SPON1: variants seen among roughly 807,000 people sequenced by gnomAD.
SPON1 encodes the protein spondin-1.
A neutral mutation model predicts 111.7 loss-of-function variants in SPON1; 52 were observed. The ratio of observed to expected loss-of-function variants is 0.47; its 90% CI spans 0.37 to 0.59. The LOEUF (loss-of-function observed/expected upper bound fraction) is 0.59. Among genes scored for constraint, SPON1 ranks in the 20% least tolerant of loss-of-function variants. SPON1 has a pLI of 0.00. For synonymous variants in SPON1, 410 were observed against 395.8 expected (o/e 1.04, Z -0.43); for missense variants, 957 against 1,068.5 (o/e 0.90, Z 1.46).
chr11:14,020,330 G>GTACCCTGTAGA (rs1258189070), intron 2 of SPON1, among the ~76,000 whole-genome samples: 1 of 152,180 alleles, frequency 6.6e-6, no homozygotes, highest in Non-Finnish European at 1.5e-5. Flanking sequence ...GGGTACATCT[G>GTACCCTGTAGA]GCAGAGCTTT....
At chr11:14,141,141 A>C (rs1471769158) in intron 6 of SPON1, among the ~76,000 whole-genome samples, 1 of 151,468 alleles carries the variant, frequency 6.6e-6, no homozygotes, top group East Asian at 2.0e-4. Context: ...CCAACAGCTC[A>C]CCACGCACTA....
intron 5 of SPON1, among the ~76,000 whole-genome samples, chr11:14,091,086 C>T (rs1278530340): frequency 3.3e-5 from 5 of 151,608 alleles, no homozygotes; most frequent in Middle Eastern, 6.8e-3. Context: ...TTTACAATCC[C>T]TGAGCTAGAC....
intron 5 of SPON1, among the ~76,000 whole-genome samples, chr11:14,091,723 C>G (rs2133838786): frequency 6.6e-6 from 1 of 152,316 alleles, no homozygotes; most frequent in African/African-American, 2.4e-5. Flanking sequence ...CCACACCTCC[C>G]TGCAAGCTGA....
intron 2 of SPON1, among the ~76,000 whole-genome samples, chr11:14,021,900 T>C (rs1848483841): frequency 6.6e-6 from 1 of 152,210 alleles, no homozygotes; most frequent in Non-Finnish European, 1.5e-5. Context: ...TGCTCTTTAT[T>C]TGTAAAGAAC....
In SPON1 at chr11:14,265,620, A is replaced by G. The variant is rs1849256975; in HGVS notation, c.2357A>G (p.Lys786Arg). ...TACATGACTGTAAAGAAGAGATTCA[A>G]AAGCTCCCAGTTTACCAGCTGCAAA... Reference protein sequence around the residue: ...ERYMTVKKRFKSSQFTSCKDK... With the variant: ...ERYMTVKKRFRSSQFTSCKDK... The change falls in exon 16 of 16, where the codon AAA (lysine) becomes AGA (arginine). Residue 786 changes from lysine to arginine, a missense_variant. This residue lies in a region of SPON1 where 549 missense variants were observed against 606.2 expected (regional missense o/e 0.91). Coordinates refer to ENST00000576479, the MANE Select transcript of SPON1 (RefSeq NM_006108.4). 1.2e-6 allele frequency: 2 copies of G among 1,613,700 alleles called. No homozygotes were observed. Among genetic ancestry groups the G allele is most frequent in the Non-Finnish European group, 1.7e-6 (2 of 1,179,842 alleles).
rs1345731019 is a variant in SPON1, at chr11:14,101,458, A to G, written c.676+21437A>G. ...ATAATAAAACCTAGTTTTCTATTCTATGGGTCCTTTAAATATGAGGGCTTT... is the reference window on the plus strand; with the variant it reads ...ATAATAAAACCTAGTTTTCTATTCTGTGGGTCCTTTAAATATGAGGGCTTT... On this transcript the variant is annotated intron_variant, in intron 5 of 15. Coordinates refer to ENST00000576479, the MANE Select transcript of SPON1 (RefSeq NM_006108.4). Among the ~76,000 whole-genome samples, 5 of 152,160 alleles carry G rather than the reference A, an allele frequency of 3.3e-5. No homozygotes were observed. The South Asian group carries it at 6.2e-4, about 19-fold the overall frequency.
chr11:14,109,904 G>A (rs531856768), intron 5 of SPON1, among the ~76,000 whole-genome samples: 1 of 152,216 alleles, frequency 6.6e-6, no homozygotes, highest in Non-Finnish European at 1.5e-5. Flanking sequence ...AGACAGGAAA[G>A]AGTTATCTCT....
intron 5 of SPON1, among the ~76,000 whole-genome samples, chr11:14,094,127 G>A (rs879964550): frequency 4.6e-5 from 7 of 151,354 alleles, no homozygotes; most frequent in East Asian, 1.9e-4. Context: ...CACGAGAATC[G>A]CTTGAACCTG....
chr11:14,050,890 G>C (rs1848702777), intron 3 of SPON1, among the ~76,000 whole-genome samples: 1 of 152,196 alleles, frequency 6.6e-6, no homozygotes, highest in Non-Finnish European at 1.5e-5. Flanking sequence ...GCATACATGT[G>C]AGTATTCTTA....
intron 6 of SPON1, among the ~76,000 whole-genome samples, chr11:14,191,833 G>A (rs1253086683): frequency 6.6e-6 from 1 of 152,164 alleles, no homozygotes; most frequent in Non-Finnish European, 1.5e-5. Flanking sequence ...AAGGAGTCCT[G>A]TATTTTCATG....
At chr11:14,255,352 A>C (rs1178059949) in intron 8 of SPON1, among the ~76,000 whole-genome samples, 5 of 152,224 alleles carry the variant, frequency 3.3e-5, no homozygotes, top group Admixed American at 1.3e-4. Context: ...TCTATTAGAA[A>C]GAGTTTGGGA....
At chr11:14,108,266 A>G (rs1196302933) in intron 5 of SPON1, among the ~76,000 whole-genome samples, 6 of 152,222 alleles carry the variant, frequency 3.9e-5, no homozygotes, top group Non-Finnish European at 8.8e-5. Flanking sequence ...AGCTCAGAAC[A>G]AGACCAACAG....
At chr11:14,053,111 T>C (rs1848719891) in intron 3 of SPON1, among the ~76,000 whole-genome samples, 1 of 152,202 alleles carries the variant, frequency 6.6e-6, no homozygotes, top group Admixed American at 6.5e-5. Flanking sequence ...CAAAACGGAA[T>C]GTTTCAACCC....
chr11:13,997,333 G>A (rs1848281272), intron 2 of SPON1, among the ~76,000 whole-genome samples: 1 of 152,138 alleles, frequency 6.6e-6, no homozygotes, highest in Admixed American at 6.5e-5. Context: ...TTTGGGTTTT[G>A]GAATCATTAG....
At chr11:14,060,849 T>G (rs1458462736) in intron 3 of SPON1, among the ~76,000 whole-genome samples, 4 of 152,146 alleles carry the variant, frequency 2.6e-5, no homozygotes, top group African/African-American at 4.8e-5. Context: ...CAACATCCAG[T>G]AGGTCCCAGT....
At chr11:14,001,507 C>T (rs920293544) in intron 2 of SPON1, among the ~76,000 whole-genome samples, 1 of 152,202 alleles carries the variant, frequency 6.6e-6, no homozygotes, top group South Asian at 2.1e-4. Context: ...CCTGTCTAGC[C>T]TTCCTGTCTC....
At chr11:14,105,712 A>G (rs889626496) in intron 5 of SPON1, among the ~76,000 whole-genome samples, 3 of 152,004 alleles carry the variant, frequency 2.0e-5, no homozygotes, top group African/African-American at 7.3e-5. Flanking sequence ...TATGGCTGCT[A>G]TTTCTGAAAC....
chr11:13,964,630 C>T (rs1377915429), intron 1 of SPON1, among the ~76,000 whole-genome samples: 1 of 152,222 alleles, frequency 6.6e-6, no homozygotes, highest in African/African-American at 2.4e-5. Flanking sequence ...CGCAGCTCCG[C>T]GGGATCCTGG....
chr11:14,158,202 C>A (rs1847871350), intron 6 of SPON1, among the ~76,000 whole-genome samples: 1 of 152,050 alleles, frequency 6.6e-6, no homozygotes, highest in South Asian at 2.1e-4. Context: ...TTTGTGAGGG[C>A]TCTTTTACTT....
Sources: gnomAD v4.1 joint callset for allele counts (sites outside exome capture counted in the v4.1 genomes callset) on GRCh38, gnomAD v4.1.1 for gene constraint, gnomAD v4.1.1 regional missense constraint, MANE v1.5 for transcripts, NCBI Gene and HGNC (gene_info 2026-07-23, HGNC 2026-07-21) for gene names.